Variants in MYO9B observed in about 807,000 individuals in gnomAD.
MYO9B encodes unconventional myosin-IXb.
Under a neutral mutation model 229.5 loss-of-function variants are expected in MYO9B, and 71 were observed. That is an observed-to-expected ratio of 0.31 (90% confidence interval 0.26 to 0.38). The LOEUF is 0.38. Among genes scored for constraint, MYO9B ranks in the 10% least tolerant of loss-of-function variants. The pLI, the probability that MYO9B is intolerant of heterozygous loss-of-function variation, is 1.00. For missense variants in MYO9B, 2,255 were observed against 2,920.5 expected (o/e 0.77, Z 5.25); for synonymous variants, 1,185 against 1,235.8 (o/e 0.96, Z 0.86).
chr19:17,107,389 C>T (rs948891016), intron 2 of MYO9B, among the ~76,000 whole-genome samples: 3 of 152,176 alleles, frequency 2.0e-5, no homozygotes, highest in Non-Finnish European at 2.9e-5. Flanking sequence ...CAAAGTGGCA[C>T]GGCCAGGAGG....
At chr19:17,134,381 G>GTTTTTTTTTTTTTTTTTTTTTTTTT (rs869297825) in intron 2 of MYO9B, among the ~76,000 whole-genome samples, 1 of 46,472 alleles carries the variant, frequency 2.2e-5, no homozygotes, top group Non-Finnish European at 3.8e-5. Flanking sequence ...CGTTTTGTTT[G>GTTTTTTTTTTTTTTTTTTTTTTTTT]TTTTTTTTTT....
chr19:17,151,597 T>C (rs1256524710), intron 3 of MYO9B, among the ~76,000 whole-genome samples: 5 of 152,176 alleles, frequency 3.3e-5, no homozygotes, highest in Non-Finnish European at 7.3e-5. Flanking sequence ...TTCAGCATCA[T>C]TGGTCATCAG....
At chr19:17,182,827 T>C (rs1047946733) in intron 15 of MYO9B, among the ~76,000 whole-genome samples, 2 of 152,152 alleles carry the variant, frequency 1.3e-5, no homozygotes, top group Non-Finnish European at 2.9e-5. Flanking sequence ...ATTTACTTAT[T>C]TATTTATTTT....
At chr19:17,211,536 G>A in intron 38 of MYO9B, 111 bp from the exon 39 acceptor site, 1 of 1,002,034 alleles carries the variant, frequency 1.0e-6, no homozygotes, top group South Asian at 1.7e-5. Context: ...GGGGTGGGGG[G>A]AGGTTGGGGA....
chr19:17,109,628 AG>A (rs1249904807), intron 2 of MYO9B, among the ~76,000 whole-genome samples: 1 of 152,164 alleles, frequency 6.6e-6, no homozygotes, highest in Non-Finnish European at 1.5e-5. Context: ...AGGTGTGGGC[AG>A]GGCTGGGTCC....
intron 2 of MYO9B, among the ~76,000 whole-genome samples, chr19:17,138,314 G>A (rs1178653716): frequency 6.6e-6 from 1 of 152,132 alleles, no homozygotes; most frequent in East Asian, 1.9e-4. Flanking sequence ...TGGACATTTG[G>A]GTTGGTTCTG....
intron 1 of MYO9B, among the ~76,000 whole-genome samples, chr19:17,088,765 A>G (rs960257270): frequency 1.3e-5 from 2 of 152,086 alleles, no homozygotes; most frequent in Non-Finnish European, 2.9e-5. Context: ...ATCACGGCTC[A>G]CTGCAGCCTC....
chr19:17,105,679 C>G (rs983063066), intron 2 of MYO9B, among the ~76,000 whole-genome samples: 1 of 152,130 alleles, frequency 6.6e-6, no homozygotes, highest in East Asian at 1.9e-4. Flanking sequence ...GAGCCTTGAC[C>G]TCTCGCCTCT....
intron 2 of MYO9B, among the ~76,000 whole-genome samples, chr19:17,131,498 A>G (rs1448181942): frequency 6.6e-6 from 1 of 152,154 alleles, no homozygotes; most frequent in Non-Finnish European, 1.5e-5. Flanking sequence ...TGAACTCCTG[A>G]CCTCAGGTGA....
chr19:17,198,880 GTGTCTTC>G (rs143780999), intron 24 of MYO9B, among the ~76,000 whole-genome samples: 4,119 of 151,910 alleles, frequency 0.027, 188 homozygotes, highest in African/African-American at 0.095. Flanking sequence ...CTCAGTGTCT[GTGTCTTC>G]TGTCTTCTGT....
intron 14 of MYO9B, among the ~76,000 whole-genome samples, chr19:17,176,068 T>C (rs547893973): frequency 6.6e-6 from 1 of 152,098 alleles, no homozygotes; most frequent in Non-Finnish European, 1.5e-5. Context: ...CTTGCTCTGT[T>C]GCCCAGGCTG....
intron 14 of MYO9B, 57 bp from the exon 15 acceptor site, chr19:17,180,870 C>T: frequency 8.1e-7 from 1 of 1,241,700 alleles, no homozygotes; most frequent in Non-Finnish European, 1.2e-6. Flanking sequence ...AGGTGGCAGG[C>T]CTGCTTCTAA....
At chr19:17,122,405 G>A (rs1034201234) in intron 2 of MYO9B, among the ~76,000 whole-genome samples, 2 of 152,054 alleles carry the variant, frequency 1.3e-5, no homozygotes, top group Non-Finnish European at 1.5e-5. Flanking sequence ...TGGGTGTGGT[G>A]GCATGCACCT....
Position 17,172,481 on chromosome 19 carries a change from G to C in MYO9B, c.1935+4G>C. 2 of 1,613,258 alleles carry C rather than the reference G, an allele frequency of 1.2e-6. No homozygotes were observed. Among genetic ancestry groups the C allele is most frequent in the Non-Finnish European group, 8.5e-7 (1 of 1,179,622 alleles). On this transcript the variant is annotated splice_donor_region_variant and intron_variant, in intron 12 of 39. Coordinates refer to ENST00000682292, the MANE Select transcript of MYO9B (RefSeq NM_004145.4). This position sits in a 1 kb window ranked among gnomAD's most constrained non-coding sequence, Gnocchi z 8.2. ...GAAGGTGAAATATCAGATCAAGGTA[G>C]GTGTCTGCCCATCACCACTGGTGGA...
chr19:17,170,942 C>T (rs1264563121), intron 11 of MYO9B, among the ~76,000 whole-genome samples: 1 of 151,940 alleles, frequency 6.6e-6, no homozygotes, highest in East Asian at 1.9e-4. Context: ...CCTGGCCCAG[C>T]AGGCTCGAGT....
chr19:17,090,897 C>A (rs181538531), intron 1 of MYO9B, among the ~76,000 whole-genome samples: 1 of 152,148 alleles, frequency 6.6e-6, no homozygotes, highest in African/African-American at 2.4e-5. Context: ...CTTCCATTCC[C>A]GCCAGAACCA....
intron 2 of MYO9B, among the ~76,000 whole-genome samples, chr19:17,131,753 C>T (rs568835645): frequency 9.9e-5 from 15 of 152,278 alleles, no homozygotes; most frequent in African/African-American, 3.4e-4. Flanking sequence ...GAGGAAGAGG[C>T]AAGACTGCCT....
intron 22 of MYO9B, among the ~76,000 whole-genome samples, chr19:17,196,015 G>A (rs1040830092): frequency 1.3e-5 from 2 of 151,916 alleles, no homozygotes; most frequent in Non-Finnish European, 2.9e-5. Flanking sequence ...TCTCTGCGGT[G>A]GGGGCTGTCC....
At chr19:17,122,599 C>T (rs2057975930) in intron 2 of MYO9B, among the ~76,000 whole-genome samples, 1 of 152,144 alleles carries the variant, frequency 6.6e-6, no homozygotes, top group South Asian at 2.1e-4. Flanking sequence ...ATTCCTACAT[C>T]ACAGCCAGGT....
Sources: gnomAD v4.1 joint callset for allele counts (sites outside exome capture counted in the v4.1 genomes callset) on GRCh38, gnomAD v4.1.1 for gene constraint, Gnocchi (gnomAD v3.1) non-coding constraint, MANE v1.5 for transcripts, NCBI Gene and HGNC (gene_info 2026-07-23, HGNC 2026-07-21) for gene names.